Variants in STK32B observed in about 807,000 individuals in gnomAD.
STK32B encodes the protein serine/threonine kinase 32B, also known as serine/threonine-protein kinase 32B.
In STK32B, 43 loss-of-function variants were observed where a neutral mutation model predicts 52.6. The observed-to-expected ratio is 0.82, with a 90% CI of 0.64 to 1.05. STK32B has a LOEUF of 1.05. Among genes scored for constraint, STK32B ranks in the 50% least tolerant of loss-of-function variants. The pLI is 0.00. For missense variants in STK32B, 621 were observed against 534.6 expected, an observed-to-expected ratio of 1.16 and a Z score of -1.59; for synonymous variants, 238 against 204.3, an observed-to-expected ratio of 1.17 and a Z score of -1.41.
intron 1 of STK32B, among the ~76,000 whole-genome samples, chr4:5,095,475 C>T (rs1577064834): frequency 6.6e-6 from 1 of 151,978 alleles, no homozygotes; most frequent in Non-Finnish European, 1.5e-5. Context: ...ACTAGCCAGG[C>T]GTGGTGGCAC....
chr4:5,053,760 A>T (rs1227810774), intron 1 of STK32B, among the ~76,000 whole-genome samples: 1 of 152,070 alleles, frequency 6.6e-6, no homozygotes, highest in Non-Finnish European at 1.5e-5. Context: ...AGGTGGACGG[A>T]TCACCTGAGG....
At chr4:5,338,607 G>A (rs180801058) in intron 4 of STK32B, among the ~76,000 whole-genome samples, 410 of 152,324 alleles carry the variant, frequency 2.7e-3, no homozygotes, top group Non-Finnish European at 4.8e-3. Flanking sequence ...GATAAATGCC[G>A]ATGTTCCAGA....
chr4:5,359,560 G>T (rs1734411947), intron 4 of STK32B, among the ~76,000 whole-genome samples: 1 of 152,202 alleles, frequency 6.6e-6, no homozygotes, highest in African/African-American at 2.4e-5. Flanking sequence ...ATCTGTGTAT[G>T]TAACATGTCA....
Position 5,251,359 on chromosome 4 carries a change from GT to G in STK32B, c.261-79856del, listed in dbSNP as rs1577247590. On this transcript the variant is annotated intron_variant, in intron 3 of 11. Transcript: ENST00000282908. ...ATAGGGATTCCTTTCCTTACTGCTT[GT>G]TTTTGTTGACTTTGTTGAAGGTCAG... is the stretch of plus-strand genomic sequence containing the variant. 9.2e-5 allele frequency among the ~76,000 whole-genome samples: 14 copies of G among 152,230 alleles called. No homozygotes were observed. The South Asian group carries it at 2.9e-3, about 32-fold the overall frequency.
intron 3 of STK32B, among the ~76,000 whole-genome samples, chr4:5,239,392 G>T (rs1167180644): frequency 6.6e-6 from 1 of 152,138 alleles, no homozygotes; most frequent in Non-Finnish European, 1.5e-5. Context: ...GGCACCGTCT[G>T]TCCAGGTGAT....
intron 5 of STK32B, among the ~76,000 whole-genome samples, chr4:5,413,791 C>T (rs75722961): frequency 9.6e-4 from 146 of 152,302 alleles, no homozygotes; most frequent in East Asian, 2.1e-3. Context: ...GGGCAGCCTC[C>T]TCTGCAGCGA....
At chr4:5,021,353 G>A in the STK32B span, among the ~76,000 whole-genome samples, 6 of 152,314 alleles carry the variant, frequency 3.9e-5, no homozygotes, top group Non-Finnish European at 5.9e-5. Flanking sequence ...CATAGGGACC[G>A]CGGCCTTCGG....
rs201826821 is a variant in STK32B at position 5,333,214 on chromosome 4, T to A, written c.434+1821T>A. Among the ~76,000 whole-genome samples, 1,631 of 152,304 alleles carry A rather than the reference T, an allele frequency of 0.011. 60 individuals are homozygous for A. In the East Asian group the frequency reaches 0.12, roughly 11 times the overall value. On this transcript the variant is annotated intron_variant, in intron 4 of 11. Transcript: ENST00000282908. Reference sequence around the variant, plus strand: ...TAACTGGTGTGAGATGGTATCTCATTGTGGTTTTGATTTGCATTTCTCTGA... The same window carrying A: ...TAACTGGTGTGAGATGGTATCTCATAGTGGTTTTGATTTGCATTTCTCTGA...
intron 3 of STK32B, among the ~76,000 whole-genome samples, chr4:5,188,029 C>T (rs907911818): frequency 3.9e-5 from 6 of 151,978 alleles, no homozygotes; most frequent in Non-Finnish European, 8.8e-5. Context: ...CTACAGCTCC[C>T]TCCCTTTCAT....
chr4:5,057,276 C>T (rs1742042881), intron 1 of STK32B, among the ~76,000 whole-genome samples: 1 of 152,192 alleles, frequency 6.6e-6, no homozygotes, highest in South Asian at 2.1e-4. Context: ...CTACTCCTGT[C>T]CTTCAGTTTT....
At chr4:5,384,495 A>G (rs1209370746) in intron 4 of STK32B, among the ~76,000 whole-genome samples, 1 of 152,178 alleles carries the variant, frequency 6.6e-6, no homozygotes, top group Non-Finnish European at 1.5e-5. Flanking sequence ...GGGCAGGTCA[A>G]AGAACCCACA....
chr4:5,286,226 C>T (rs1728530920), intron 3 of STK32B, among the ~76,000 whole-genome samples: 1 of 152,192 alleles, frequency 6.6e-6, no homozygotes, highest in African/African-American at 2.4e-5. Flanking sequence ...CTCAAAACTA[C>T]ATTAAAAACC....
chr4:5,457,053 C>T (rs1034270518), intron 8 of STK32B, 130 bp downstream of exon 8: 6 of 603,610 alleles, frequency 9.9e-6, no homozygotes, highest in African/African-American at 5.6e-5. Context: ...CAGCTGCGCT[C>T]AAATGCCAAA....
chr4:5,430,943 C>T (rs926882995), intron 6 of STK32B, among the ~76,000 whole-genome samples: 1 of 152,172 alleles, frequency 6.6e-6, no homozygotes, highest in African/African-American at 2.4e-5. Flanking sequence ...GTTTCTAGTT[C>T]CTTGACACTT....
intron 4 of STK32B, among the ~76,000 whole-genome samples, chr4:5,355,693 A>G (rs1363112575): frequency 2.0e-5 from 3 of 152,058 alleles, no homozygotes; most frequent in Non-Finnish European, 2.9e-5. Context: ...CCAAGTTGTG[A>G]TAATCAAAAA....
At chr4:5,274,747 A>C (rs963700769) in intron 3 of STK32B, among the ~76,000 whole-genome samples, 4 of 151,858 alleles carry the variant, frequency 2.6e-5, no homozygotes, top group African/African-American at 9.7e-5. Flanking sequence ...AAATCTTGCA[A>C]CTGCACTCTT....
intron 3 of STK32B, among the ~76,000 whole-genome samples, chr4:5,211,836 A>C (rs1233705014): frequency 6.6e-6 from 1 of 152,206 alleles, no homozygotes; most frequent in African/African-American, 2.4e-5. Context: ...GCAAGCTCTA[A>C]AATGATCAAG....
intron 8 of STK32B, among the ~76,000 whole-genome samples, chr4:5,458,197 C>T (rs1397031407): frequency 1.3e-5 from 2 of 152,174 alleles, no homozygotes; most frequent in Non-Finnish European, 2.9e-5. Context: ...CTGGTGTGCA[C>T]TCCAGTCCGA....
intron 4 of STK32B, among the ~76,000 whole-genome samples, chr4:5,393,891 C>CT (rs200593059): frequency 0.012 from 1,848 of 152,264 alleles, 23 homozygotes; most frequent in South Asian, 0.057. Flanking sequence ...CTGTCCTTTG[C>CT]TACCTCCCTC....
Sources: allele counts gnomAD v4.1 joint callset (sites outside exome capture counted in the v4.1 genomes callset), GRCh38; gene constraint gnomAD v4.1.1; transcripts MANE v1.5; gene names NCBI Gene and HGNC (gene_info 2026-07-23, HGNC 2026-07-21).